TFPI: variants seen among roughly 807,000 people sequenced by gnomAD.
TFPI encodes tissue factor pathway inhibitor, also known as anti-convertin.
In TFPI, 15 loss-of-function variants were observed where a neutral mutation model predicts 34.6. The observed-to-expected ratio is 0.43, with a 90% CI of 0.29 to 0.67. The LOEUF (loss-of-function observed/expected upper bound fraction) is 0.67. TFPI is among the 30% of genes least tolerant of loss of function. TFPI has a pLI of 0.15. For synonymous variants in TFPI, 105 were observed against 120.1 expected (o/e 0.87, Z 0.82); for missense variants, 301 against 364.0 (o/e 0.83, Z 1.41).
intron 1 of TFPI, among the ~76,000 whole-genome samples, chr2:187,542,641 T>C (rs1688643154): frequency 6.6e-6 from 1 of 152,080 alleles, no homozygotes; most frequent in Non-Finnish European, 1.5e-5. Flanking sequence ...GAGGCCAAAG[T>C]GGCTGGTCAC....
At chr2:187,490,530 A>C (rs1385882979) in intron 3 of TFPI, among the ~76,000 whole-genome samples, 2 of 151,466 alleles carry the variant, frequency 1.3e-5, no homozygotes, top group Non-Finnish European at 3.0e-5. Context: ...GTCTACTTTT[A>C]CTAATCATTC....
At chr2:187,542,067 A>C (rs1006469255) in intron 1 of TFPI, among the ~76,000 whole-genome samples, 1 of 152,160 alleles carries the variant, frequency 6.6e-6, no homozygotes, top group Non-Finnish European at 1.5e-5. Flanking sequence ...GAAAACAGAA[A>C]TTTAGGATGC....
chr2:187,533,158 G>A (rs558823966), intron 1 of TFPI, among the ~76,000 whole-genome samples: 8 of 152,266 alleles, frequency 5.3e-5, no homozygotes, highest in Admixed American at 2.6e-4. Flanking sequence ...TTAAACATTC[G>A]TGTCTGCCAG....
chr2:187,518,088 G>A (rs898947219), intron 1 of TFPI: 1 of 152,186 alleles, frequency 6.6e-6, no homozygotes, highest in African/African-American at 2.4e-5. Flanking sequence ...TCTTGACTCT[G>A]TATCCAATTT....
rs780564015 is a variant in TFPI, at chr2:187,497,026, C to G, written c.174G>C (p.Ala58=). The change falls in exon 3 of 8, where the codon GCG becomes GCC. Residue 58 remains alanine (A), a synonymous_variant. Coordinates refer to ENST00000233156, the MANE Select transcript of TFPI (RefSeq NM_006287.6). The part of the protein sequence containing the change: ...KLMHSFCAFK[A]DDGPCKAIMK... ...TGATTGCTTTACATGGGCCATCATC[C>G]GCCTTGAATGCACAAAATGAATGCA... The G allele has an allele frequency of 2.2e-5, 35 of 1,613,036 alleles. No homozygotes were observed. Among genetic ancestry groups the G allele is most frequent in the Non-Finnish European group, 2.3e-5 (27 of 1,179,512 alleles).
intron 5 of TFPI, 25 bp from the exon 6 acceptor site, chr2:187,484,241 AATAG>A (rs1371951306): frequency 8.8e-6 from 14 of 1,592,110 alleles, no homozygotes; most frequent in Middle Eastern, 1.7e-4. Flanking sequence ...AGCCAATTAA[AATAG>A]ATAAACATTG....
intron 1 of TFPI, among the ~76,000 whole-genome samples, chr2:187,522,984 A>G (rs1391016016): frequency 1.3e-5 from 2 of 151,932 alleles, no homozygotes; most frequent in African/African-American, 4.8e-5. Context: ...TATGTCTATT[A>G]TTTTGATTGT....
chr2:187,465,714 TATTCATGAA>T lies in TFPI; in HGVS notation c.*1213_*1221del, dbSNP rs1691690601. The T allele has an allele frequency of 7.3e-6, 1 of 137,364 alleles. No homozygotes were observed. Among genetic ancestry groups the T allele is most frequent in the Non-Finnish European group, 1.7e-5 (1 of 60,046 alleles). The allele number at this position is 137,364 out of a possible 1,614,324, so 8.5% of individuals were successfully genotyped here. A position where few individuals can be genotyped will look rare whatever the true frequency, so the allele number is the denominator to read the frequency against. The stretch of plus-strand genomic sequence containing the variant: ...CATTGTTAGCGAGAAGTCATGAAGC[TATTCATGAA>T]GCTATTCATGAAGCTAGTCATGAAG... On this transcript the variant is annotated 3_prime_UTR_variant, in exon 8 of 8. Coordinates refer to ENST00000233156, the MANE Select transcript of TFPI (RefSeq NM_006287.6).
chr2:187,516,782 CTA>C (rs1251512891), intron 1 of TFPI: 11 of 152,202 alleles, frequency 7.2e-5, no homozygotes, highest in Non-Finnish European at 1.3e-4. Context: ...GTTACGTTAT[CTA>C]TAGATTCCAG....
chr2:187,507,215 A>T (rs192076698), intron 1 of TFPI, among the ~76,000 whole-genome samples: 27 of 152,226 alleles, frequency 1.8e-4, no homozygotes, highest in African/African-American at 6.3e-4. Flanking sequence ...AGCTTCATCC[A>T]TGTCTCTGCA....
At chr2:187,481,267 G>A (rs1429250080) in intron 6 of TFPI, among the ~76,000 whole-genome samples, 2 of 151,906 alleles carry the variant, frequency 1.3e-5, no homozygotes, top group African/African-American at 4.8e-5. Flanking sequence ...AACTTTACAC[G>A]TTTGATAAAA....
chr2:187,544,548 A>C (rs1027109021), intron 1 of TFPI: 1 of 151,588 alleles, frequency 6.6e-6, no homozygotes, highest in South Asian at 2.1e-4. Context: ...TTACTAAAAG[A>C]CTGGCTAGCT....
At chr2:187,526,103 A>C (rs2106233967) in intron 1 of TFPI, among the ~76,000 whole-genome samples, 1 of 152,246 alleles carries the variant, frequency 6.6e-6, no homozygotes, top group South Asian at 2.1e-4. Context: ...AATCCTTGAA[A>C]ACCTCTTGGG....
chr2:187,536,160 A>G (rs1688240032), intron 1 of TFPI, among the ~76,000 whole-genome samples: 1 of 152,228 alleles, frequency 6.6e-6, no homozygotes, highest in African/African-American at 2.4e-5. Context: ...AAGTACAAAG[A>G]GTAGCTGGTA....
rs772694888 is a variant in TFPI, at chr2:187,467,949, A to G, written c.629-17T>C. 32 of 1,557,262 alleles carry G rather than the reference A, an allele frequency of 2.1e-5. No individual in the cohort carries two copies. Among genetic ancestry groups the G allele is most frequent in the Non-Finnish European group, 2.7e-5 (31 of 1,153,912 alleles). On this transcript the variant is annotated splice_polypyrimidine_tract_variant and intron_variant, in intron 6 of 7. Transcript: ENST00000233156. ...CGTGAAATTCTAAAAACAATCAGGA[A>G]AACATGGTAAGCCATATGTGATAGT... is the stretch of plus-strand genomic sequence containing the variant.
chr2:187,527,752 T>C (rs1242408741), intron 1 of TFPI, among the ~76,000 whole-genome samples: 1 of 152,234 alleles, frequency 6.6e-6, no homozygotes, highest in East Asian at 1.9e-4. Flanking sequence ...AACATCATTT[T>C]TTATAATGGT....
In TFPI at chr2:187,466,342, G is replaced by A. The variant is rs2105937894; in HGVS notation, c.*594C>T. The A allele has an allele frequency of 6.6e-6, 1 of 152,162 alleles. No homozygotes were observed. The highest frequency in any genetic ancestry group is 2.4e-5 in the African/African-American group (1 of 41,524). The allele number at this position is 152,162 out of a possible 1,614,324, so 9.4% of individuals were successfully genotyped here. A position where few individuals can be genotyped will look rare whatever the true frequency, so the allele number is the denominator to read the frequency against. On this transcript the variant is annotated 3_prime_UTR_variant, in exon 8 of 8. Coordinates refer to ENST00000233156, the MANE Select transcript of TFPI (RefSeq NM_006287.6). ...TCAGGCAGGCACATGATGCAGAGTT[G>A]ACTGTTCAAAGACAGTTTAGCTCAA...
Position 187,484,226 on chromosome 2 carries a change from A to C in TFPI, c.536-10T>G, listed in dbSNP as rs1480715851. The stretch of plus-strand genomic sequence containing the variant: ...ACCTGGAAACCATTCGCTGGAAAAA[A>C]ATACAGCCAATTAAAATAGATAAAC... On this transcript the variant is annotated splice_polypyrimidine_tract_variant and intron_variant, in intron 5 of 7. Coordinates refer to ENST00000233156, the MANE Select transcript of TFPI (RefSeq NM_006287.6). The C allele has an allele frequency of 6.2e-7, 1 of 1,606,596 alleles. No homozygotes were observed. Among genetic ancestry groups the C allele is most frequent in the Admixed American group, 1.7e-5 (1 of 59,470 alleles).
chr2:187,489,934 C>G (rs1685000780), intron 3 of TFPI, among the ~76,000 whole-genome samples: 1 of 151,500 alleles, frequency 6.6e-6, no homozygotes, highest in African/African-American at 2.4e-5. Flanking sequence ...TAGATTTAGA[C>G]AGGACGAAGC....
Sources: allele counts gnomAD v4.1 joint callset (sites outside exome capture counted in the v4.1 genomes callset), GRCh38; gene constraint gnomAD v4.1.1; transcripts MANE v1.5; gene names NCBI Gene and HGNC (gene_info 2026-07-23, HGNC 2026-07-21).